ERLEC1: variants seen among roughly 807,000 people sequenced by gnomAD.
ERLEC1 encodes ER lectin.
Under a neutral mutation model 68.0 loss-of-function variants are expected in ERLEC1, and 47 were observed. The observed-to-expected ratio is 0.69, with a 90% CI of 0.55 to 0.88. The LOEUF is 0.88. Among genes scored for constraint, ERLEC1 ranks in the 40% least tolerant of loss-of-function variants. The probability of loss-of-function intolerance (pLI) is 0.00; values close to 1 mark genes in which losing one functional copy is unlikely to be tolerated. For missense variants in ERLEC1, 567 were observed against 583.8 expected (o/e 0.97, Z 0.30); for synonymous variants, 225 against 203.2 (o/e 1.11, Z -0.91).
rs1337867447 is a variant in ERLEC1, at chr2:53,817,957, T to C, written c.1440T>C (p.Ser480=). The C allele has an allele frequency of 6.4e-7, 1 of 1,570,800 alleles. No individual in the cohort carries two copies. Among genetic ancestry groups the C allele is most frequent in the South Asian group, 1.1e-5 (1 of 90,126 alleles). The change falls in exon 14 of 14, where the codon TCT becomes TCC. Residue 480 remains serine, a synonymous_variant. Coordinates refer to ENST00000185150, the MANE Select transcript of ERLEC1 (RefSeq NM_015701.5). Reference sequence around the variant, plus strand: ...CAGCAGATGAAAATGGACTTCTTTCTCTCCCCAACTAAAGGATATTAAAGT... The same window carrying C: ...CAGCAGATGAAAATGGACTTCTTTCCCTCCCCAACTAAAGGATATTAAAGT... ...LDTADENGLL[S]LPN
chr2:53,796,889 CTTTTTTTTTTTTTT>C (rs958244464), intron 3 of ERLEC1, among the ~76,000 whole-genome samples: 2 of 117,244 alleles, frequency 1.7e-5, no homozygotes, highest in Non-Finnish European at 1.8e-5. Context: ...TTTTCTTTTT[CTTTTTTTTTTTTTT>C]TTTTTTGAGA....
intron 5 of ERLEC1, among the ~76,000 whole-genome samples, chr2:53,798,682 A>C (rs1159697886): frequency 1.3e-5 from 2 of 151,516 alleles, no homozygotes; most frequent in Non-Finnish European, 2.9e-5. Context: ...TGCTTGGCTT[A>C]AGCAAAGTTA....
chr2:53,810,300 T>G (rs1239843316), intron 10 of ERLEC1, among the ~76,000 whole-genome samples: 4 of 152,064 alleles, frequency 2.6e-5, no homozygotes, highest in African/African-American at 7.2e-5. Context: ...CAAAACCCCA[T>G]CTCTACAAAA....
intron 6 of ERLEC1, 69 bp downstream of exon 6, chr2:53,799,150 C>A: frequency 7.7e-7 from 1 of 1,296,634 alleles, no homozygotes; most frequent in Non-Finnish European, 1.1e-6. Context: ...TTATATAACC[C>A]AAGTGACAGA....
At chr2:53,797,674 T>C (rs1234479501) in intron 4 of ERLEC1, 58 bp from the exon 5 acceptor site, 2 of 1,558,798 alleles carry the variant, frequency 1.3e-6, no homozygotes, top group African/African-American at 2.7e-5. Flanking sequence ...TAAAGTTGTA[T>C]CCTTAAAAAT....
chr2:53,809,099 C>T, intron 9 of ERLEC1, 115 bp from the exon 10 acceptor site: 1 of 706,410 alleles, frequency 1.4e-6, no homozygotes, highest in Non-Finnish European at 2.4e-6. Context: ...AATATTCAAC[C>T]ATACTATTGC....
rs1470991002 is a variant in ERLEC1, at chr2:53,818,595, T to G, written c.*626T>G. On this transcript the variant is annotated 3_prime_UTR_variant, in exon 14 of 14. Transcript: ENST00000185150. ...TCTCTCAGAACTTTTATCTATTACT[T>G]TTTTCTTCTTATGAGTATGTTTACT... 6.6e-6 allele frequency: 1 copy of G among 152,170 alleles called. No individual in the cohort carries two copies. The highest frequency in any genetic ancestry group is 1.5e-5 in the Non-Finnish European group (1 of 68,044). The allele number at this position is 152,170 out of a possible 1,614,324, so 9.4% of individuals were successfully genotyped here.
intron 8 of ERLEC1, among the ~76,000 whole-genome samples, chr2:53,804,550 A>C (rs1035087152): frequency 2.0e-5 from 3 of 152,136 alleles, no homozygotes; most frequent in African/African-American, 7.2e-5. Context: ...TGCTGGGATT[A>C]CAGGCATGAG....
chr2:53,789,115 G>T (rs1675243022), intron 1 of ERLEC1, among the ~76,000 whole-genome samples: 1 of 151,930 alleles, frequency 6.6e-6, no homozygotes, highest in African/African-American at 2.4e-5. Flanking sequence ...AAATGCTTTG[G>T]CCATGTGCGG....
At position 53,814,563 on chromosome 2, in the gene ERLEC1, G is replaced by A; in HGVS notation, c.1247G>A (p.Gly416Glu). The A allele has an allele frequency of 6.2e-7, 1 of 1,611,278 alleles. No individual in the cohort carries two copies. Among genetic ancestry groups the A allele is most frequent in the South Asian group, 1.1e-5 (1 of 90,702 alleles). ...QTVRMVSHFY[G>E]NGDICDITDK... ...TTCAGGATGGTGTCACATTTTTATG[G>A]AAATGGAGATATTTGTGATATAACT... Residue 416 changes from glycine to glutamate, a missense_variant, in exon 12 of 14, where the codon GGA becomes GAA. Gly to Glu is a moderately conservative substitution (Grantham distance 98). Transcript: ENST00000185150.
intron 10 of ERLEC1, among the ~76,000 whole-genome samples, chr2:53,811,679 G>A (rs1019400820): frequency 6.6e-6 from 1 of 152,138 alleles, no homozygotes; most frequent in Admixed American, 6.5e-5. Flanking sequence ...AGAAACAAAG[G>A]TTCAATAACT....
Position 53,792,881 on chromosome 2 carries a change from G to A in ERLEC1, c.163-1464G>A, listed in dbSNP as rs574797104. Reference sequence around the variant, plus strand: ...AAAAATTACCGGGGCATGGTGGCATGTACCTGTAGTCCCAGCTACTAGGGA... The same window carrying A: ...AAAAATTACCGGGGCATGGTGGCATATACCTGTAGTCCCAGCTACTAGGGA... On this transcript the variant is annotated intron_variant, in intron 1 of 13. Coordinates refer to ENST00000185150, the MANE Select transcript of ERLEC1 (RefSeq NM_015701.5). 2.6e-5 allele frequency among the ~76,000 whole-genome samples: 4 copies of A among 152,132 alleles called. 1 individual carries two copies. The highest frequency in any genetic ancestry group is 9.6e-5 in the African/African-American group (4 of 41,488).
At chr2:53,805,147 T>A (rs951749558) in intron 8 of ERLEC1, among the ~76,000 whole-genome samples, 1 of 151,684 alleles carries the variant, frequency 6.6e-6, no homozygotes, top group African/African-American at 2.4e-5. Flanking sequence ...CTCAGCCTCC[T>A]GAGTAGCTGG....
At chr2:53,801,959 A>G (rs1676029059) in intron 8 of ERLEC1, 117 bp downstream of exon 8, 1 of 785,664 alleles carries the variant, frequency 1.3e-6, no homozygotes, top group African/African-American at 1.8e-5. Flanking sequence ...TACTGGCCCA[A>G]CCTTTTGAAT....
rs1675369659 is a variant in ERLEC1, at chr2:53,791,107, C to A, written c.163-3238C>A. Among the ~76,000 whole-genome samples, 4 of 152,214 alleles carry A rather than the reference C, an allele frequency of 2.6e-5. No homozygotes were observed. In the South Asian group the frequency reaches 8.3e-4, roughly 32 times the overall value. ...TCTACCAACAAGTGTATTTTATAGC[C>A]TCTACCAGAATAGAAGTTCTCTCAT... On this transcript the variant is annotated intron_variant, in intron 1 of 13. Transcript: ENST00000185150.
chr2:53,817,697 T>A (rs189895578), intron 13 of ERLEC1, among the ~76,000 whole-genome samples: 5 of 152,304 alleles, frequency 3.3e-5, no homozygotes, highest in African/African-American at 4.8e-5. Context: ...TAAAAATATT[T>A]TCTCCACCTA....
In ERLEC1 at chr2:53,818,673, T is replaced by A. The variant is rs1199554422; in HGVS notation, c.*704T>A. 6.6e-6 allele frequency: 1 copy of A among 152,246 alleles called. No homozygotes were observed. The highest frequency in any genetic ancestry group is 6.5e-5 in the Admixed American group (1 of 15,280). The allele number at this position is 152,246 out of a possible 1,614,324, so 9.4% of individuals were successfully genotyped here. ...TTGGTGATGCTTCTGAGACTCAGAA[T>A]GGTTTACTCTAACAAAACACTGTGC... On this transcript the variant is annotated 3_prime_UTR_variant, in exon 14 of 14. Coordinates refer to ENST00000185150, the MANE Select transcript of ERLEC1 (RefSeq NM_015701.5).
At chr2:53,817,042 G>A (rs543292201) in intron 13 of ERLEC1, among the ~76,000 whole-genome samples, 1 of 151,898 alleles carries the variant, frequency 6.6e-6, no homozygotes, top group African/African-American at 2.4e-5. Context: ...TTTCTCTGCT[G>A]TGCCCAGTCC....
At chr2:53,804,313 TGCAATCTTGGCTCACTGTGGC>T (rs1676164628) in intron 8 of ERLEC1, among the ~76,000 whole-genome samples, 2 of 151,360 alleles carry the variant, frequency 1.3e-5, no homozygotes, top group South Asian at 2.1e-4. Flanking sequence ...AGTGCTGTGG[TGCAATCTTGGCTCACTGTGGC>T]GCAATCTTGG....
Sources: gnomAD v4.1 joint callset for allele counts (sites outside exome capture counted in the v4.1 genomes callset) on GRCh38, gnomAD v4.1.1 for gene constraint, MANE v1.5 for transcripts, NCBI Gene and HGNC (gene_info 2026-07-23, HGNC 2026-07-21) for gene names.